The following THSD7B variants were observed in gnomAD, a reference collection of about 807,000 sequenced individuals.
THSD7B encodes thrombospondin type-1 domain-containing protein 7B.
Under a neutral mutation model 213.6 loss-of-function variants are expected in THSD7B, and 138 were observed. The ratio of observed to expected loss-of-function variants is 0.65; its 90% CI spans 0.56 to 0.74. The LOEUF is 0.74. Among genes scored for constraint, THSD7B ranks in the 30% least tolerant of loss-of-function variants. The probability of loss-of-function intolerance (pLI) is 0.00; values close to 1 mark genes in which losing one functional copy is unlikely to be tolerated. For missense variants in THSD7B, 1,931 were observed against 1,991.5 expected (o/e 0.97, Z 0.58); for synonymous variants, 742 against 687.0 (o/e 1.08, Z -1.25).
At position 136,991,446 on chromosome 2, in the gene THSD7B, G is replaced by A. The variant is rs184323936; in HGVS notation, c.140-64974G>A. 5.3e-5 allele frequency among the ~76,000 whole-genome samples: 8 copies of A among 152,186 alleles called. No individual in the cohort carries two copies. The East Asian group carries it at 9.6e-4, about 18-fold the overall frequency. On this transcript the variant is annotated intron_variant, in intron 2 of 27. Coordinates refer to ENST00000409968, the MANE Select transcript of THSD7B (RefSeq NM_001316349.2). ...ATATTTGGAATTAAAAAAAGAGAGC[G>A]AGAGAGAGTCTCTCTTTTGATTACC...
At chr2:136,929,902 A>G (rs1684599746) in intron 2 of THSD7B, among the ~76,000 whole-genome samples, 1 of 152,242 alleles carries the variant, frequency 6.6e-6, no homozygotes, top group South Asian at 2.1e-4. Context: ...AATTAGAAAC[A>G]TAACATTTTC....
intron 12 of THSD7B, among the ~76,000 whole-genome samples, chr2:137,276,747 A>C (rs1682883776): frequency 6.6e-6 from 1 of 152,068 alleles, no homozygotes; most frequent in Non-Finnish European, 1.5e-5. Context: ...GAAGGGATAT[A>C]TGTGGCAAAA....
intron 5 of THSD7B, among the ~76,000 whole-genome samples, chr2:137,140,623 G>T (rs1036394792): frequency 2.6e-5 from 4 of 152,128 alleles, no homozygotes; most frequent in Non-Finnish European, 5.9e-5. Context: ...GGATAAGAGA[G>T]AATTGAAGTC....
chr2:136,874,271 A>G (rs1224967652), intron 1 of THSD7B, among the ~76,000 whole-genome samples: 1 of 152,184 alleles, frequency 6.6e-6, no homozygotes, highest in African/African-American at 2.4e-5. Flanking sequence ...TCTTATCTCT[A>G]AAGTGGGGCA....
At chr2:136,797,553 A>C (rs764272665) in intron 1 of THSD7B, among the ~76,000 whole-genome samples, 33 of 151,968 alleles carry the variant, frequency 2.2e-4, no homozygotes, top group Non-Finnish European at 4.4e-4. Context: ...TGGGTAGGCC[A>C]TTGATTATAC....
At position 137,655,656 on chromosome 2, in the gene THSD7B, C is replaced by T; in HGVS notation, c.4101C>T (p.Cys1367=). ...SILKQLCSVP[C]PGDCHLTEWS... Reference sequence around the variant, plus strand: ...TGAAGCAGCTGTGTTCTGTGCCTTGCCCAGGTATGCAATGCTAGTGATTGG... The same window carrying T: ...TGAAGCAGCTGTGTTCTGTGCCTTGTCCAGGTATGCAATGCTAGTGATTGG... The change falls in exon 22 of 28, where the codon TGC becomes TGT. Residue 1367 remains cysteine, a synonymous_variant. Coordinates refer to ENST00000409968, the MANE Select transcript of THSD7B (RefSeq NM_001316349.2). 3 of 1,612,160 alleles carry T rather than the reference C, an allele frequency of 1.9e-6. No homozygotes were observed. Among genetic ancestry groups the T allele is most frequent in the Non-Finnish European group, 2.5e-6 (3 of 1,179,104 alleles).
intron 2 of THSD7B, among the ~76,000 whole-genome samples, chr2:136,997,052 T>C (rs1685905709): frequency 6.6e-6 from 1 of 152,232 alleles, no homozygotes. Context: ...AATAATGTAA[T>C]TGGTATCTCT....
intron 12 of THSD7B, among the ~76,000 whole-genome samples, chr2:137,402,726 G>A (rs1490260752): frequency 2.8e-5 from 4 of 144,000 alleles, no homozygotes; most frequent in African/African-American, 1.0e-4. Context: ...TGAGGCATGA[G>A]AATTGCATGA....
intron 2 of THSD7B, among the ~76,000 whole-genome samples, chr2:136,994,521 C>T (rs945928213): frequency 1.3e-5 from 2 of 152,112 alleles, no homozygotes; most frequent in Non-Finnish European, 2.9e-5. Context: ...GAGCTGAGAT[C>T]GCACCACTGC....
intron 3 of THSD7B, among the ~76,000 whole-genome samples, chr2:137,069,085 T>C (rs1170853475): frequency 6.6e-6 from 1 of 152,076 alleles, no homozygotes; most frequent in Non-Finnish European, 1.5e-5. Context: ...TTGATTTGCT[T>C]CTTGTGCTTA....
chr2:137,055,492 G>C (rs562960194), intron 2 of THSD7B, among the ~76,000 whole-genome samples: 1 of 152,220 alleles, frequency 6.6e-6, no homozygotes, highest in African/African-American at 2.4e-5. Context: ...ATTACTTACT[G>C]TCCTTGTGAA....
At chr2:137,380,419 G>A (rs980547255) in intron 12 of THSD7B, among the ~76,000 whole-genome samples, 2 of 152,104 alleles carry the variant, frequency 1.3e-5, no homozygotes, top group Admixed American at 6.5e-5. Context: ...CCTTCTAGCT[G>A]TTCCCACTCC....
At chr2:136,876,108 A>C (rs545940166) in intron 1 of THSD7B, among the ~76,000 whole-genome samples, 32 of 152,298 alleles carry the variant, frequency 2.1e-4, no homozygotes, top group African/African-American at 7.7e-4. Context: ...TTGTTTCATG[A>C]AAAAAAGTAG....
chr2:137,133,107 G>A (rs1026527234), intron 5 of THSD7B, among the ~76,000 whole-genome samples: 5 of 152,062 alleles, frequency 3.3e-5, no homozygotes, highest in South Asian at 4.1e-4. Context: ...AAAATACTCC[G>A]TTGACTTTTG....
chr2:137,408,835 G>C (rs1686585990), intron 13 of THSD7B, among the ~76,000 whole-genome samples: 2 of 152,176 alleles, frequency 1.3e-5, no homozygotes, highest in African/African-American at 4.8e-5. Context: ...CATGTTCAAG[G>C]ATGGTTTTCT....
At chr2:137,180,282 A>G (rs1361631445) in intron 7 of THSD7B, among the ~76,000 whole-genome samples, 3 of 152,188 alleles carry the variant, frequency 2.0e-5, no homozygotes, top group Admixed American at 6.5e-5. Context: ...GTGAGACAAT[A>G]TATTTCCTTA....
intron 1 of THSD7B, among the ~76,000 whole-genome samples, chr2:136,817,308 A>T (rs1431935778): frequency 6.6e-6 from 1 of 151,790 alleles, no homozygotes; most frequent in Non-Finnish European, 1.5e-5. Flanking sequence ...CCCATTTTGT[A>T]GGTTGCCTGT....
intron 27 of THSD7B, among the ~76,000 whole-genome samples, chr2:137,671,210 G>T (rs1393399207): frequency 1.4e-5 from 2 of 141,722 alleles, no homozygotes; most frequent in Non-Finnish European, 3.0e-5. Context: ...CATTTTATTT[G>T]TGTTGTGTGT....
intron 14 of THSD7B, among the ~76,000 whole-genome samples, chr2:137,448,701 A>AAG (rs1319516039): frequency 6.6e-6 from 1 of 152,146 alleles, no homozygotes; most frequent in Non-Finnish European, 1.5e-5. Flanking sequence ...CGGGAGGCTG[A>AAG]GGCCGGAGAA....
Sources: gnomAD v4.1 joint callset for allele counts (sites outside exome capture counted in the v4.1 genomes callset) on GRCh38, gnomAD v4.1.1 for gene constraint, MANE v1.5 for transcripts, NCBI Gene and HGNC (gene_info 2026-07-23, HGNC 2026-07-21) for gene names.